Variants in HECTD4 observed in about 807,000 individuals in gnomAD.
HECTD4 encodes probable E3 ubiquitin-protein ligase HECTD4.
HECTD4 carries 114 observed loss-of-function variants against 471.5 expected under a neutral mutation model. That is an observed-to-expected ratio of 0.24 (90% CI 0.21 to 0.28). The LOEUF is 0.28. Ranked by LOEUF, HECTD4 falls within the 10% of genes least tolerant of loss-of-function variation. The pLI, the probability that HECTD4 is intolerant of heterozygous loss-of-function variation, is 1.00. For missense variants in HECTD4, 3,866 were observed against 5,651.5 expected (o/e 0.68, Z 10.13); for synonymous variants, 2,012 against 2,256.0 (o/e 0.89, Z 3.07).
chr12:112,206,189 C>T (rs1211417312), intron 52 of HECTD4, among the ~76,000 whole-genome samples: 2 of 152,184 alleles, frequency 1.3e-5, no homozygotes, highest in East Asian at 1.9e-4. Flanking sequence ...GTGCCCAGGA[C>T]GTTGTGGGTG....
intron 18 of HECTD4, 115 bp from the exon 19 acceptor site, chr12:112,259,380 A>C: frequency 9.4e-7 from 1 of 1,060,270 alleles, no homozygotes; most frequent in Non-Finnish European, 1.4e-6. Context: ...TAAACTACTT[A>C]AGCACTTTCA....
intron 1 of HECTD4, among the ~76,000 whole-genome samples, chr12:112,324,041 C>CTTT (rs1566112078): frequency 5.7e-4 from 10 of 17,582 alleles, no homozygotes; most frequent in South Asian, 2.4e-3. Context: ...TTCCTTCCTT[C>CTTT]CTTCCTTTCT....
At chr12:112,362,995 C>T (rs1407218072) in intron 1 of HECTD4, among the ~76,000 whole-genome samples, 1 of 151,502 alleles carries the variant, frequency 6.6e-6, no homozygotes, top group South Asian at 2.1e-4. Context: ...AGCCACTGCG[C>T]CCAGCCTCCC....
At chr12:112,337,798 A>T (rs1260067819) in intron 1 of HECTD4, among the ~76,000 whole-genome samples, 1 of 152,190 alleles carries the variant, frequency 6.6e-6, no homozygotes, top group African/African-American at 2.4e-5. Context: ...TAAATTTTTT[A>T]AAATTTGCAC....
intron 2 of HECTD4, among the ~76,000 whole-genome samples, chr12:112,316,855 A>T (rs1283558044): frequency 2.1e-5 from 3 of 142,654 alleles, no homozygotes; most frequent in Non-Finnish European, 4.6e-5. Context: ...GAACCATGTT[A>T]AAAAAAAAAA....
At chr12:112,380,315 C>T (rs997315198) in intron 1 of HECTD4, among the ~76,000 whole-genome samples, 3 of 151,868 alleles carry the variant, frequency 2.0e-5, no homozygotes, top group Non-Finnish European at 2.9e-5. Flanking sequence ...CATGGTGGCG[C>T]GTGCCTGTAA....
Position 112,243,656 on chromosome 12 carries a change from C to T in HECTD4, c.4755G>A (p.Gln1585=), listed in dbSNP as rs2033691247. ...DKPTYSVLLG[Q]LFAFIGTNPD... ...GGTTGGTGCCGATGAAAGCAAACAG[C>T]TGCCCTAGCAGGACACTGTAGGTGG... Residue 1585 remains glutamine (Q), a synonymous_variant, in exon 31 of 76, where the codon CAG becomes CAA. Transcript: ENST00000682272. This position sits in a 1 kb window ranked among gnomAD's most constrained non-coding sequence, Gnocchi z 6.6. 1 of 1,612,644 alleles carries T rather than the reference C, an allele frequency of 6.2e-7. No individual in the cohort carries two copies. Among genetic ancestry groups the T allele is most frequent in the Non-Finnish European group, 8.5e-7 (1 of 1,179,228 alleles).
At chr12:112,240,088 G>T in intron 32 of HECTD4, 61 bp from the exon 33 acceptor site, 13 of 1,556,924 alleles carry the variant, frequency 8.3e-6, no homozygotes, top group Middle Eastern at 1.7e-4. Context: ...TGGCTGAGCA[G>T]GAGAGGCCTC....
intron 1 of HECTD4, among the ~76,000 whole-genome samples, chr12:112,323,760 T>C (rs1440801545): frequency 1.3e-5 from 2 of 151,744 alleles, no homozygotes; most frequent in Admixed American, 6.6e-5. Flanking sequence ...ATTAATAACA[T>C]GTTAAAATTC....
At chr12:112,254,539 G>T (rs180921949) in intron 21 of HECTD4, among the ~76,000 whole-genome samples, 75 of 152,056 alleles carry the variant, frequency 4.9e-4, no homozygotes, top group Non-Finnish European at 9.4e-4. Flanking sequence ...TAACAGTTTG[G>T]CCCCTTAAGT....
At chr12:112,245,450 G>C (rs1302319976) in intron 29 of HECTD4, among the ~76,000 whole-genome samples, 4 of 152,166 alleles carry the variant, frequency 2.6e-5, no homozygotes, top group Admixed American at 6.5e-5. Context: ...CTATATACAG[G>C]ACCTTTAACA....
chr12:112,305,786 A>G (rs2035260834), intron 7 of HECTD4, among the ~76,000 whole-genome samples: 1 of 152,236 alleles, frequency 6.6e-6, no homozygotes, highest in Admixed American at 6.5e-5. Flanking sequence ...CATTTCCAAC[A>G]GACTGTGAGC....
chr12:112,339,481 G>A (rs889545716), intron 1 of HECTD4, among the ~76,000 whole-genome samples: 1 of 152,044 alleles, frequency 6.6e-6, no homozygotes, highest in Non-Finnish European at 1.5e-5. Context: ...TTTCCTATGT[G>A]GAAGAGAGGG....
At chr12:112,301,683 T>C (rs1258210009) in intron 7 of HECTD4, among the ~76,000 whole-genome samples, 1 of 152,214 alleles carries the variant, frequency 6.6e-6, no homozygotes, top group Non-Finnish European at 1.5e-5. Context: ...TCTCTTTCCC[T>C]GATAATTCCT....
At chr12:112,258,968 G>A (rs1195690286) in intron 19 of HECTD4, 144 bp downstream of exon 19, 3 of 730,824 alleles carry the variant, frequency 4.1e-6, no homozygotes, top group Admixed American at 6.1e-5. Context: ...TTTATGACAT[G>A]ATATTTTTCT....
intron 1 of HECTD4, among the ~76,000 whole-genome samples, chr12:112,346,101 G>GT (rs1024025311): frequency 3.0e-4 from 46 of 152,294 alleles, no homozygotes; most frequent in African/African-American, 1.0e-3. Flanking sequence ...GAGTGCGACT[G>GT]CCCCATTTCA....
At chr12:112,275,138 TCAC>T (rs1344274718) in intron 9 of HECTD4, among the ~76,000 whole-genome samples, 178 bp from the exon 10 acceptor site, 5 of 152,206 alleles carry the variant, frequency 3.3e-5, no homozygotes, top group Admixed American at 3.3e-4. Context: ...AAGAAAACTG[TCAC>T]CACCAGAAAT....
intron 29 of HECTD4, among the ~76,000 whole-genome samples, chr12:112,245,065 C>G (rs1435347706): frequency 6.6e-6 from 1 of 152,164 alleles, no homozygotes; most frequent in Non-Finnish European, 1.5e-5. Flanking sequence ...AGCAGTGCTG[C>G]AATCATGGCT....
chr12:112,290,932 T>G (rs1292806585), intron 7 of HECTD4, among the ~76,000 whole-genome samples: 4 of 151,938 alleles, frequency 2.6e-5, no homozygotes, highest in African/African-American at 9.7e-5. Context: ...TAAAAGGATT[T>G]GTCACCAATT....
Sources: gnomAD v4.1 joint callset for allele counts (sites outside exome capture counted in the v4.1 genomes callset) on GRCh38, gnomAD v4.1.1 for gene constraint, Gnocchi (gnomAD v3.1) non-coding constraint, MANE v1.5 for transcripts, NCBI Gene and HGNC (gene_info 2026-07-23, HGNC 2026-07-21) for gene names.